The following ERC1 variants were observed in gnomAD, a reference collection of about 807,000 sequenced individuals.
ERC1 encodes the protein ELKS/RAB6-interacting/CAST family member 1, also known as RAB6 interacting protein 2.
A neutral mutation model predicts 132.0 loss-of-function variants in ERC1; 56 were observed. The ratio of observed to expected loss-of-function variants is 0.42; its 90% CI spans 0.34 to 0.53. The LOEUF (loss-of-function observed/expected upper bound fraction) is 0.53. ERC1 is among the 20% of genes least tolerant of loss of function. The pLI is 0.03. For synonymous variants in ERC1, 478 were observed against 476.1 expected (o/e 1.00, Z -0.05); for missense variants, 1,202 against 1,349.9 (o/e 0.89, Z 1.72).
intron 8 of ERC1, among the ~76,000 whole-genome samples, chr12:1,179,500 CTTTTTT>C (rs58317880): frequency 0.13 from 12,256 of 95,032 alleles, 193 homozygotes; most frequent in Middle Eastern, 0.23. Context: ...ATTCATTTTT[CTTTTTT>C]TTTTTTTTTT....
At chr12:1,168,235 C>G (rs1240862816) in intron 8 of ERC1, among the ~76,000 whole-genome samples, 1 of 152,092 alleles carries the variant, frequency 6.6e-6, no homozygotes, top group Non-Finnish European at 1.5e-5. Flanking sequence ...ATCCTCCTAC[C>G]TCAGTGCTGC....
intron 13 of ERC1, among the ~76,000 whole-genome samples, chr12:1,237,115 T>C (rs1461811483): frequency 6.6e-6 from 1 of 152,244 alleles, no homozygotes; most frequent in East Asian, 1.9e-4. Flanking sequence ...CACCTCAGCA[T>C]AGGAGAAAGT....
intron 8 of ERC1, among the ~76,000 whole-genome samples, chr12:1,174,187 G>A (rs1467816425): frequency 2.6e-5 from 4 of 152,232 alleles, no homozygotes; most frequent in South Asian, 2.1e-4. Flanking sequence ...CACCCCCTGC[G>A]TGTTTCGGGT....
At chr12:1,286,232 T>A (rs1217906238) in intron 14 of ERC1, among the ~76,000 whole-genome samples, 1 of 144,324 alleles carries the variant, frequency 6.9e-6, no homozygotes, top group African/African-American at 2.6e-5. Flanking sequence ...AGATGGAGGT[T>A]GCAGTGAGCT....
chr12:1,146,709 G>T (rs1227892494), intron 8 of ERC1, among the ~76,000 whole-genome samples: 1 of 150,898 alleles, frequency 6.6e-6, no homozygotes, highest in Non-Finnish European at 1.5e-5. Context: ...GTGCCATGTT[G>T]GTGTGCTGCA....
Position 1,327,950 on chromosome 12 carries a change from C to A in ERC1, c.2780+37938C>A, listed in dbSNP as rs569737990. ...TAAATTGTTCCTAACAACTTTTTTT[C>A]CCTTGCCTCTCATAGCTTTTTCAAC... On this transcript the variant is annotated intron_variant, in intron 15 of 18. Transcript: ENST00000360905. Among the ~76,000 whole-genome samples, 285 of 152,006 alleles carry A rather than the reference C, an allele frequency of 1.9e-3. 1 individual carries two copies. The highest frequency in any genetic ancestry group is 0.014 in the Middle Eastern group (4 of 294).
intron 12 of ERC1, among the ~76,000 whole-genome samples, chr12:1,231,353 TC>T (rs2075023646): frequency 6.6e-6 from 1 of 152,202 alleles, no homozygotes; most frequent in African/African-American, 2.4e-5. Flanking sequence ...ACACTTTACA[TC>T]TTTTTATATT....
At chr12:1,320,175 C>A (rs758511413) in intron 15 of ERC1, among the ~76,000 whole-genome samples, 2 of 152,124 alleles carry the variant, frequency 1.3e-5, no homozygotes, top group South Asian at 4.1e-4. Context: ...TAAAGAAAAT[C>A]ATTATACTTG....
Position 1,114,317 on chromosome 12 carries a change from G to A in ERC1, c.1402-1549G>A, listed in dbSNP as rs190113649. Among the ~76,000 whole-genome samples, 629 of 152,154 alleles carry A rather than the reference G, an allele frequency of 4.1e-3. 5 individuals carry two copies. The highest frequency in any genetic ancestry group is 5.5e-3 in the Non-Finnish European group (372 of 68,014). On this transcript the variant is annotated intron_variant, in intron 6 of 18. Coordinates refer to ENST00000360905, the MANE Select transcript of ERC1 (RefSeq NM_178040.4). ...ATTACAGGCGTGAGCCACTGCACCC[G>A]GCCTAAACCCTGCTTTTCATTTAAA...
At chr12:1,296,919 G>A (rs2154343086) in intron 15 of ERC1, among the ~76,000 whole-genome samples, 1 of 152,206 alleles carries the variant, frequency 6.6e-6, no homozygotes. Flanking sequence ...ATGAAAGACA[G>A]TTTTTAAAAA....
intron 12 of ERC1, among the ~76,000 whole-genome samples, chr12:1,224,192 T>A (rs2074373958): frequency 6.6e-6 from 1 of 152,210 alleles, no homozygotes; most frequent in Non-Finnish European, 1.5e-5. Context: ...TGTGTTTTCA[T>A]CTTTTCCAGT....
intron 17 of ERC1, 66 bp downstream of exon 17, chr12:1,408,313 T>A: frequency 8.9e-7 from 1 of 1,119,420 alleles, no homozygotes; most frequent in Non-Finnish European, 1.3e-6. Context: ...GTTTTTGTAC[T>A]AGCATGTTGC....
chr12:1,104,057 G>T (rs1455295489), intron 3 of ERC1, among the ~76,000 whole-genome samples: 2 of 151,570 alleles, frequency 1.3e-5, no homozygotes, highest in African/African-American at 2.4e-5. Flanking sequence ...TCACTGAAGT[G>T]GTTTGGTAAC....
At chr12:1,181,201 G>A (rs192065378) in intron 9 of ERC1, among the ~76,000 whole-genome samples, 1 of 152,228 alleles carries the variant, frequency 6.6e-6, no homozygotes, top group African/African-American at 2.4e-5. Flanking sequence ...TATATTTTAA[G>A]CTCAATATAT....
intron 15 of ERC1, among the ~76,000 whole-genome samples, chr12:1,362,494 GA>G (rs1306334133): frequency 2.0e-5 from 3 of 151,978 alleles, no homozygotes; most frequent in Admixed American, 1.3e-4. Context: ...CGAAGAGCTG[GA>G]AAAGAGGACT....
chr12:1,445,377 G>A (rs959082387), intron 18 of ERC1, among the ~76,000 whole-genome samples: 9 of 151,954 alleles, frequency 5.9e-5, no homozygotes, highest in East Asian at 3.9e-4. Context: ...CTACAGGCGC[G>A]TGCCAACATG....
At chr12:1,394,995 G>T (rs1366149889) in intron 16 of ERC1, among the ~76,000 whole-genome samples, 1 of 152,148 alleles carries the variant, frequency 6.6e-6, no homozygotes, top group Non-Finnish European at 1.5e-5. Flanking sequence ...TTTAGATATG[G>T]TGTTGAGTCT....
chr12:1,306,093 T>G (rs2080861996), intron 15 of ERC1, among the ~76,000 whole-genome samples: 1 of 152,218 alleles, frequency 6.6e-6, no homozygotes, highest in Admixed American at 6.5e-5. Context: ...TTTTCCAGTA[T>G]ACTTTAAAGA....
At chr12:1,247,211 A>G (rs889942853) in intron 13 of ERC1, among the ~76,000 whole-genome samples, 9 of 152,170 alleles carry the variant, frequency 5.9e-5, no homozygotes, top group Non-Finnish European at 1.0e-4. Context: ...CCTGCAAGAC[A>G]GAGTGAGACC....
Sources: gnomAD v4.1 joint callset for allele counts (sites outside exome capture counted in the v4.1 genomes callset) on GRCh38, gnomAD v4.1.1 for gene constraint, MANE v1.5 for transcripts, NCBI Gene and HGNC (gene_info 2026-07-23, HGNC 2026-07-21) for gene names.